The following ATXN7L1 variants were observed in gnomAD, a reference collection of about 807,000 sequenced individuals.
ATXN7L1 encodes the protein ataxin-7-like protein 1.
Under a neutral mutation model 70.8 loss-of-function variants are expected in ATXN7L1, and 15 were observed. The observed-to-expected ratio is 0.21, with a 90% confidence interval of 0.14 to 0.33. ATXN7L1 has a LOEUF of 0.33. ATXN7L1 is among the 10% of genes least tolerant of loss of function. The probability of loss-of-function intolerance (pLI) is 1.00; values close to 1 mark genes in which losing one functional copy is unlikely to be tolerated. For missense variants in ATXN7L1, 975 were observed against 1,097.1 expected (o/e 0.89, Z 1.57); for synonymous variants, 440 against 445.1 (o/e 0.99, Z 0.14).
rs145801000 is a variant in ATXN7L1, at chr7:105,674,096, G to A, written c.356-8808C>T. On this transcript the variant is annotated intron_variant, in intron 3 of 11. Transcript: ENST00000419735. Reference sequence around the variant, plus strand: ...TAAAAGATGGCAGGGCTGAGGAGCCGAGGAGGCGTTCCTTAAGCAAAGGTT... The same window carrying A: ...TAAAAGATGGCAGGGCTGAGGAGCCAAGGAGGCGTTCCTTAAGCAAAGGTT... Among the ~76,000 whole-genome samples, 711 of 152,330 alleles carry A rather than the reference G, an allele frequency of 4.7e-3. 2 individuals carry two copies. Among genetic ancestry groups the A allele is most frequent in the Middle Eastern group, 0.014 (4 of 294 alleles).
intron 2 of ATXN7L1, among the ~76,000 whole-genome samples, chr7:105,837,679 G>C (rs143647277): frequency 2.0e-3 from 311 of 152,250 alleles, no homozygotes; most frequent in African/African-American, 7.1e-3. Context: ...GTGAACGCAT[G>C]AACAGGGAGC....
intron 4 of ATXN7L1, among the ~76,000 whole-genome samples, chr7:105,658,884 CT>C (rs1801125244): frequency 6.6e-6 from 1 of 152,182 alleles, no homozygotes; most frequent in African/African-American, 2.4e-5. Context: ...TGGCTCACGC[CT>C]GTAATCCCAG....
chr7:105,662,078 CCTTCTTTCTTTTCTTTTCT>C (rs1801771561), intron 4 of ATXN7L1, among the ~76,000 whole-genome samples: 1 of 85,966 alleles, frequency 1.2e-5, no homozygotes, highest in African/African-American at 3.5e-5. Context: ...TTCCTTCCTT[CCTTCTTTCTTTTCTTTTCT>C]TTTCTTTTCT....
rs946513600 is a variant in ATXN7L1, at chr7:105,614,601, A to T, written c.1733T>A (p.Met578Lys). 6.4e-7 allele frequency: 1 copy of T among 1,551,770 alleles called. No individual in the cohort carries two copies. Among genetic ancestry groups the T allele is most frequent in the African/African-American group, 1.4e-5 (1 of 73,010 alleles). ...ATGAGGGAAAGCTGTGGTGTGGGACATGAGGGCGCTCGGGTCCGGCGATGT... is the reference window on the plus strand; with the variant it reads ...ATGAGGGAAAGCTGTGGTGTGGGACTTGAGGGCGCTCGGGTCCGGCGATGT... ...FVTSPDPSAL[M>K]SHTTAFPHVA... is the part of the protein sequence containing the mutation. Residue 578 changes from methionine to lysine, a missense_variant, in exon 10 of 12, where the codon ATG (methionine) becomes AAG (lysine). Around this residue, in one of 5 missense-constraint regions of ATXN7L1, gnomAD observed 635 missense variants for 699.4 expected, o/e 0.91. Transcript: ENST00000419735. This position sits in a 1 kb window ranked among gnomAD's most constrained non-coding sequence, Gnocchi z 4.3.
intron 3 of ATXN7L1, among the ~76,000 whole-genome samples, chr7:105,782,077 G>A (rs1244585378): frequency 6.6e-6 from 1 of 152,146 alleles, no homozygotes; most frequent in Admixed American, 6.5e-5. Context: ...AGGGTGATCT[G>A]CCCATCTCGG....
In ATXN7L1 at chr7:105,788,683, T is replaced by G; in HGVS notation, c.276A>C (p.Pro92=). The change falls in exon 3 of 12, where the codon CCA becomes CCC. Residue 92 remains proline, a synonymous_variant. Transcript: ENST00000419735. ...CTACGAGATAGAAGTCGTCATGTGCTGGGTAATGGCCAAATAAGTGCATAT... is the reference window on the plus strand; with the variant it reads ...CTACGAGATAGAAGTCGTCATGTGCGGGGTAATGGCCAAATAAGTGCATAT... The part of the protein sequence containing the change: ...KEDMHLFGHY[P]AHDDFYLVVC... 1 of 1,613,692 alleles carries G rather than the reference T, an allele frequency of 6.2e-7. No homozygotes were observed. Among genetic ancestry groups the G allele is most frequent in the Non-Finnish European group, 8.5e-7 (1 of 1,179,600 alleles).
chr7:105,740,293 G>A (rs966788363), intron 3 of ATXN7L1, among the ~76,000 whole-genome samples: 2 of 152,170 alleles, frequency 1.3e-5, no homozygotes, highest in African/African-American at 4.8e-5. Flanking sequence ...TACAACAAAG[G>A]GACACTGGTT....
chr7:105,779,056 G>A (rs1286527570), intron 3 of ATXN7L1, among the ~76,000 whole-genome samples: 1 of 152,196 alleles, frequency 6.6e-6, no homozygotes, highest in African/African-American at 2.4e-5. Context: ...TGACTTTTCT[G>A]CATCAAAGTT....
intron 3 of ATXN7L1, among the ~76,000 whole-genome samples, chr7:105,702,544 CA>C (rs1456123749): frequency 2.3e-4 from 26 of 111,672 alleles, no homozygotes; most frequent in African/African-American, 1.5e-3. Context: ...CACAGACCCA[CA>C]ACACACACAC....
At chr7:105,634,149 T>C (rs922346570) in intron 7 of ATXN7L1, among the ~76,000 whole-genome samples, 2 of 152,134 alleles carry the variant, frequency 1.3e-5, no homozygotes, top group African/African-American at 4.8e-5. Context: ...AATGGGGCAA[T>C]GAGCCACAGG....
intron 2 of ATXN7L1, among the ~76,000 whole-genome samples, chr7:105,873,222 A>G (rs1180627076): frequency 2.6e-5 from 4 of 152,328 alleles, no homozygotes; most frequent in African/African-American, 9.6e-5. Flanking sequence ...ACTTCCCTTC[A>G]ATTCCCAGTT....
chr7:105,819,884 C>T, intron 2 of ATXN7L1: 1 of 578,774 alleles, frequency 1.7e-6, no homozygotes, highest in Non-Finnish European at 3.3e-6. Context: ...CTGAAGCCTA[C>T]AAGAAACTTT....
intron 3 of ATXN7L1, among the ~76,000 whole-genome samples, chr7:105,778,510 C>CAAAAAA (rs745820046): frequency 2.7e-3 from 90 of 33,754 alleles, no homozygotes; most frequent in Non-Finnish European, 4.2e-3. Flanking sequence ...GACCCTATCT[C>CAAAAAA]AAAAAAAAAA....
chr7:105,826,386 T>C (rs1810874055), intron 2 of ATXN7L1, among the ~76,000 whole-genome samples: 1 of 152,228 alleles, frequency 6.6e-6, no homozygotes, highest in South Asian at 2.1e-4. Flanking sequence ...TTCCCAACTG[T>C]CCAATTCTAT....
intron 3 of ATXN7L1, among the ~76,000 whole-genome samples, chr7:105,695,430 C>T (rs1162358754): frequency 1.3e-5 from 2 of 152,172 alleles, no homozygotes; most frequent in Non-Finnish European, 2.9e-5. Flanking sequence ...GGGGGAGCTT[C>T]GGACATCTGC....
chr7:105,607,628 AC>A lies in ATXN7L1; in HGVS notation c.*223del, dbSNP rs549220237. On this transcript the variant is annotated 3_prime_UTR_variant, in exon 12 of 12. Coordinates refer to ENST00000419735, the MANE Select transcript of ATXN7L1 (RefSeq NM_020725.2). ...GCAAATGAAAGGAAAGACAGCGGAA[AC>A]CAAACACTGGAACTGTTTTCTGTAA... The A allele has an allele frequency of 4.1e-4, 230 of 559,512 alleles. No homozygotes were observed. Among genetic ancestry groups the A allele is most frequent in the African/African-American group, 3.5e-3 (189 of 53,472 alleles). 34.7% of individuals were successfully genotyped at this position (559,512 alleles called of 1,614,324 possible). A position where few individuals can be genotyped will look rare whatever the true frequency, so the allele number is the denominator to read the frequency against.
At chr7:105,780,828 T>C (rs1294708262) in intron 3 of ATXN7L1, among the ~76,000 whole-genome samples, 1 of 152,258 alleles carries the variant, frequency 6.6e-6, no homozygotes, top group South Asian at 2.1e-4. Flanking sequence ...GCTAGCTCTG[T>C]GCAAGCTGAA....
intron 7 of ATXN7L1, among the ~76,000 whole-genome samples, chr7:105,632,132 T>C (rs1796681896): frequency 6.6e-6 from 1 of 152,214 alleles, no homozygotes; most frequent in African/African-American, 2.4e-5. Context: ...TGGTTAGGGA[T>C]GGCCCAACAC....
intron 2 of ATXN7L1, 86 bp downstream of exon 2, chr7:105,875,726 C>A (rs961122360): frequency 6.9e-6 from 9 of 1,298,712 alleles, no homozygotes; most frequent in Non-Finnish European, 9.7e-6. Context: ...CACTCTGTAC[C>A]CAGCAGAACA....
Sources: gnomAD v4.1 joint callset for allele counts (sites outside exome capture counted in the v4.1 genomes callset) on GRCh38, gnomAD v4.1.1 for gene constraint, gnomAD v4.1.1 regional missense constraint, Gnocchi (gnomAD v3.1) non-coding constraint, MANE v1.5 for transcripts, NCBI Gene and HGNC (gene_info 2026-07-23, HGNC 2026-07-21) for gene names.